PFKFB2: variants seen among roughly 807,000 people sequenced by gnomAD.
PFKFB2 encodes the protein 6-phosphofructo-2-kinase/fructose-2,6-biphosphatase 2.
A neutral mutation model predicts 68.0 loss-of-function variants in PFKFB2; 53 were observed. The ratio of observed to expected loss-of-function variants is 0.78; its 90% CI spans 0.63 to 0.98. The LOEUF (loss-of-function observed/expected upper bound fraction) is 0.98. PFKFB2 is among the 50% of genes least tolerant of loss of function. PFKFB2 has a pLI of 0.00. For missense variants in PFKFB2, 451 were observed against 642.0 expected (o/e 0.70, Z 3.22); for synonymous variants, 222 against 227.6 (o/e 0.98, Z 0.22).
At chr1:207,056,278 G>GAAGC (rs1315405853) in intron 2 of PFKFB2, among the ~76,000 whole-genome samples, 3 of 151,700 alleles carry the variant, frequency 2.0e-5, no homozygotes, top group African/African-American at 7.3e-5. Flanking sequence ...TGCTGTATTG[G>GAAGC]AAGCTCACTA....
Position 207,074,736 on chromosome 1 carries a change from T to C in PFKFB2, c.*2365T>C, listed in dbSNP as rs1683576677. ...AGCTAAACAGAAGTAGAAGAAAAGG[T>C]CCTTGTCCAGAGGAAGGTTATTTTA... On this transcript the variant is annotated 3_prime_UTR_variant, in exon 15 of 15. Transcript: ENST00000367080. The C allele has an allele frequency of 1.0e-6, 1 of 985,408 alleles. No individual in the cohort carries two copies. The highest frequency in any genetic ancestry group is 1.2e-6 in the Non-Finnish European group (1 of 829,920). 61.0% of individuals were successfully genotyped at this position (985,408 alleles called of 1,614,324 possible).
At chr1:207,049,101 T>A, upstream of PFKFB2, 1 of 1,614,014 alleles carries the variant, frequency 6.2e-7, no homozygotes, top group Non-Finnish European at 8.5e-7. Flanking sequence ...CTTTCTGACA[T>A]ACCATGCATC....
At chr1:207,061,340 T>G (rs1373026432) in intron 2 of PFKFB2, among the ~76,000 whole-genome samples, 1 of 150,918 alleles carries the variant, frequency 6.6e-6, no homozygotes, top group African/African-American at 2.4e-5. Flanking sequence ...ATGGTTATTT[T>G]CTTTCTTAGC....
At chr1:207,043,121 A>G (rs910294743) in intron 2 of PFKFB2, among the ~76,000 whole-genome samples, 1 of 151,662 alleles carries the variant, frequency 6.6e-6, no homozygotes, top group African/African-American at 2.4e-5. Context: ...GAGCACTTGC[A>G]TTTCTAACAA....
chr1:207,068,196 C>T lies in PFKFB2; in HGVS notation c.874C>T (p.Gln292Ter). The T allele has an allele frequency of 1.2e-6, 2 of 1,610,338 alleles. No homozygotes were observed. Among genetic ancestry groups the T allele is most frequent in the South Asian group, 1.1e-5 (1 of 90,492 alleles). Residue 292 changes from glutamine (Q) to a stop codon, truncating the protein, a stop_gained, in exon 10 of 15, where the codon CAG becomes TAG. Transcript: ENST00000367080. LOFTEE classifies it high-confidence loss of function. ...AQALRKFLEE[Q>*]EITDLKVWTS... ...AGCTCTAAGGAAATTTCTGGAGGAA[C>T]AGGAAATAACAGACCTCAAAGTGTG...
intron 2 of PFKFB2, among the ~76,000 whole-genome samples, chr1:207,056,387 C>T (rs114605640): frequency 6.7e-6 from 1 of 149,590 alleles, no homozygotes; most frequent in Non-Finnish European, 1.5e-5. Flanking sequence ...TAGGATGCAC[C>T]TCTTACAGGG....
At chr1:207,050,581 C>A, upstream of PFKFB2, 2 of 1,469,250 alleles carry the variant, frequency 1.4e-6, no homozygotes, top group East Asian at 2.3e-5. Context: ...GGCCTCAAAG[C>A]CCCCCCGCCG....
chr1:207,069,366 A>G, intron 10 of PFKFB2, 58 bp from the exon 11 acceptor site: 1 of 1,116,232 alleles, frequency 9.0e-7, no homozygotes. Context: ...CTTATTTGGG[A>G]TGGGGCTGGT....
At chr1:207,038,678 CT>C (rs879724803) in intron 1 of PFKFB2, among the ~76,000 whole-genome samples, 4 of 152,164 alleles carry the variant, frequency 2.6e-5, no homozygotes, top group Non-Finnish European at 5.9e-5. Context: ...TTCATAGCAT[CT>C]GTATTTATTT....
chr1:207,063,882 T>TG lies in PFKFB2; in HGVS notation c.507+53_507+54insG. 9 of 1,326,326 alleles carry TG rather than the reference T, an allele frequency of 6.8e-6. No homozygotes were observed. The highest frequency in any genetic ancestry group is 9.7e-6 in the Non-Finnish European group (9 of 927,406). The allele number at this position is 1,326,326 out of a possible 1,614,324, so 82.2% of individuals were successfully genotyped here. ...CTCTTCACCTTTTGTGCTGTGTGTG[T>TG]TGTGGGGTGTGTGTGTGTGTGTGTG... On this transcript the variant is annotated intron_variant, in intron 7 of 14. Transcript: ENST00000367080. This position sits in a 1 kb window ranked among gnomAD's most constrained non-coding sequence, Gnocchi z 4.1.
chr1:207,067,471 G>A, intron 8 of PFKFB2, 28 bp from the exon 9 acceptor site: 1 of 1,529,516 alleles, frequency 6.5e-7, no homozygotes, highest in Non-Finnish European at 9.0e-7. Flanking sequence ...CTTACCTAGG[G>A]AATTTTTTTT....
chr1:207,068,822 A>T (rs1032874856), intron 10 of PFKFB2, among the ~76,000 whole-genome samples: 1 of 149,988 alleles, frequency 6.7e-6, no homozygotes, highest in Admixed American at 6.7e-5. Context: ...ATCCTGGCTC[A>T]CTGCAACCTC....
At chr1:207,079,054 A>T (rs1268378411), downstream of PFKFB2, 1 of 1,531,624 alleles carries the variant, frequency 6.5e-7, no homozygotes, top group East Asian at 2.2e-5. Flanking sequence ...TCTCCAAACG[A>T]CTGGGATCTA....
chr1:207,050,219 G>T (rs975699390), upstream of PFKFB2, among the ~76,000 whole-genome samples: 5 of 152,172 alleles, frequency 3.3e-5, no homozygotes, highest in African/African-American at 1.2e-4. Context: ...AGAGCTTTCA[G>T]TGGGTGTTTT....
chr1:207,048,080 T>A (rs1362788103), intron 2 of PFKFB2: 2 of 152,568 alleles, frequency 1.3e-5, no homozygotes, highest in African/African-American at 2.4e-5. Flanking sequence ...CGATAAACTT[T>A]ACGCAAATGA....
chr1:207,076,790 A>G lies in PFKFB2; in HGVS notation c.*4419A>G, dbSNP rs533507033. The G allele has an allele frequency of 5.1e-6, 5 of 980,448 alleles. No homozygotes were observed. Among genetic ancestry groups the G allele is most frequent in the Non-Finnish European group, 3.6e-6 (3 of 828,120 alleles). 60.7% of individuals were successfully genotyped at this position (980,448 alleles called of 1,614,324 possible). On this transcript the variant is annotated 3_prime_UTR_variant, in exon 15 of 15. Transcript: ENST00000367080. ...TGTAGTAGTGTCTGTGTGCTGACTGATAGATAGACTATAGTAAAATTTGGG... is the reference window on the plus strand; with the variant it reads ...TGTAGTAGTGTCTGTGTGCTGACTGGTAGATAGACTATAGTAAAATTTGGG...
Position 207,063,161 on chromosome 1 carries a change from G to A in PFKFB2, c.327G>A (p.Ala109=), listed in dbSNP as rs137871267. Residue 109 remains alanine (A), a synonymous_variant, in exon 5 of 15, where the codon GCG becomes GCA. Transcript: ENST00000367080. The surrounding 1 kb of genome is among the most constrained non-coding windows in gnomAD (Gnocchi z 4.1). ...ATGGCAGACAGTGTGCTCTGGTGGC[G>A]CTGGAAGATGTTAAGGCGTATCTCA... The part of the protein sequence containing the change: ...MKIRKQCALV[A]LEDVKAYLTE... 125 of 1,613,904 alleles carry A rather than the reference G, an allele frequency of 7.7e-5. 1 individual carries two copies. The South Asian group carries it at 1.2e-3, about 16-fold the overall frequency.
intron 1 of PFKFB2, chr1:207,035,263 C>T: frequency 1.1e-6 from 1 of 928,046 alleles, no homozygotes; most frequent in Non-Finnish European, 1.3e-6. Flanking sequence ...TACAACCTCC[C>T]CACTTAGGCA....
At chr1:207,058,092 A>G (rs1476740448) in intron 2 of PFKFB2, among the ~76,000 whole-genome samples, 1 of 152,234 alleles carries the variant, frequency 6.6e-6, no homozygotes, top group East Asian at 1.9e-4. Flanking sequence ...TTTGATGGAA[A>G]TTGGGCAGCA....
Sources: gnomAD v4.1 joint callset for allele counts (sites outside exome capture counted in the v4.1 genomes callset) on GRCh38, gnomAD v4.1.1 for gene constraint, Gnocchi (gnomAD v3.1) non-coding constraint, MANE v1.5 for transcripts, NCBI Gene and HGNC (gene_info 2026-07-23, HGNC 2026-07-21) for gene names.